Variants in ARL15 observed in about 807,000 individuals in gnomAD.
ARL15 encodes the protein ADP-ribosylation factor-like protein 15.
ARL15 carries 19 observed loss-of-function variants against 25.2 expected under a neutral mutation model. The observed-to-expected ratio is 0.75, with a 90% CI of 0.53 to 1.10. The LOEUF (loss-of-function observed/expected upper bound fraction) is 1.10. ARL15 is among the 50% of genes least tolerant of loss of function. The pLI is 0.00. For synonymous variants in ARL15, 94 were observed against 86.8 expected (o/e 1.08, Z -0.46); for missense variants, 220 against 246.0 (o/e 0.89, Z 0.71).
chr5:54,268,832 C>T (rs997506782), intron 1 of ARL15, among the ~76,000 whole-genome samples: 41 of 152,048 alleles, frequency 2.7e-4, no homozygotes, highest in Non-Finnish European at 4.6e-4. Flanking sequence ...AAATGTCCAA[C>T]GATGATATAT....
chr5:54,026,858 G>T (rs1191952842), intron 4 of ARL15, among the ~76,000 whole-genome samples: 2 of 152,138 alleles, frequency 1.3e-5, no homozygotes, highest in East Asian at 3.9e-4. Flanking sequence ...TGAGAAACAT[G>T]TAAACTGAGT....
chr5:54,106,436 C>T (rs936598772), intron 4 of ARL15, among the ~76,000 whole-genome samples: 3 of 152,076 alleles, frequency 2.0e-5, no homozygotes, highest in Non-Finnish European at 4.4e-5. Context: ...ATACAGTTAT[C>T]CCTTGGTATC....
intron 1 of ARL15, among the ~76,000 whole-genome samples, chr5:54,218,671 A>G (rs1756286029): frequency 6.6e-6 from 1 of 152,114 alleles, no homozygotes; most frequent in African/African-American, 2.4e-5. Flanking sequence ...ATTTGACAGA[A>G]CTCAGTAAAA....
At chr5:54,068,231 G>A (rs1253269743) in intron 4 of ARL15, among the ~76,000 whole-genome samples, 1 of 152,176 alleles carries the variant, frequency 6.6e-6, no homozygotes, top group Non-Finnish European at 1.5e-5. Flanking sequence ...AGTGTGGAAT[G>A]AGAAGACTGT....
At chr5:53,999,062 T>G (rs1748772698) in intron 4 of ARL15, among the ~76,000 whole-genome samples, 1 of 152,162 alleles carries the variant, frequency 6.6e-6, no homozygotes, top group African/African-American at 2.4e-5. Context: ...AACACTGAGA[T>G]GCTGTCAAGA....
chr5:53,998,180 AC>A (rs1748741806), intron 4 of ARL15, among the ~76,000 whole-genome samples: 1 of 151,356 alleles, frequency 6.6e-6, no homozygotes, highest in Non-Finnish European at 1.5e-5. Flanking sequence ...GGTTCTATGA[AC>A]CAGATTTTTG....
chr5:54,045,311 G>A (rs1235975973), intron 4 of ARL15, among the ~76,000 whole-genome samples: 1 of 152,164 alleles, frequency 6.6e-6, no homozygotes, highest in Non-Finnish European at 1.5e-5. Context: ...ACTAAATCAT[G>A]CTGATTGCTT....
intron 1 of ARL15, among the ~76,000 whole-genome samples, chr5:54,250,345 G>A (rs1280939699): frequency 3.9e-5 from 6 of 152,100 alleles, no homozygotes; most frequent in South Asian, 2.1e-4. Flanking sequence ...GACTTGGGGG[G>A]ACAAACACCC....
intron 1 of ARL15, among the ~76,000 whole-genome samples, chr5:54,172,644 A>G (rs1754753207): frequency 6.6e-6 from 1 of 152,194 alleles, no homozygotes; most frequent in Admixed American, 6.5e-5. Context: ...ACTGGCTCAG[A>G]AAAATCTAAA....
chr5:54,085,815 G>A (rs1207567885), intron 4 of ARL15, among the ~76,000 whole-genome samples: 1 of 152,076 alleles, frequency 6.6e-6, no homozygotes, highest in African/African-American at 2.4e-5. Flanking sequence ...TGGTAACCAC[G>A]GCTTAGAAGA....
At chr5:54,097,958 A>G (rs1025457289) in intron 4 of ARL15, among the ~76,000 whole-genome samples, 40 of 152,294 alleles carry the variant, frequency 2.6e-4, no homozygotes, top group African/African-American at 9.4e-4. Flanking sequence ...TCCAAATGGA[A>G]AGCATGGGCA....
At chr5:54,083,911 T>C (rs1345874740) in intron 4 of ARL15, among the ~76,000 whole-genome samples, 1 of 152,126 alleles carries the variant, frequency 6.6e-6, no homozygotes, top group African/African-American at 2.4e-5. Flanking sequence ...ATGCTAAAAT[T>C]AAATGGAGTA....
intron 1 of ARL15, among the ~76,000 whole-genome samples, chr5:54,274,823 G>A (rs889324511): frequency 6.6e-6 from 1 of 152,096 alleles, no homozygotes; most frequent in Non-Finnish European, 1.5e-5. Context: ...GAACCCGGGA[G>A]GCAGGGGTTG....
chr5:54,238,923 C>G (rs1579940865), intron 1 of ARL15, among the ~76,000 whole-genome samples: 1 of 152,232 alleles, frequency 6.6e-6, no homozygotes, highest in Non-Finnish European at 1.5e-5. Context: ...TAATCTAATC[C>G]ATAGCAATCA....
At chr5:53,941,414 A>G (rs1188175433) in intron 4 of ARL15, among the ~76,000 whole-genome samples, 1 of 152,264 alleles carries the variant, frequency 6.6e-6, no homozygotes, top group Non-Finnish European at 1.5e-5. Flanking sequence ...GTAAGTTCAT[A>G]CAGAAAAACT....
At chr5:54,000,107 C>A (rs143313208) in intron 4 of ARL15, among the ~76,000 whole-genome samples, 24 of 152,168 alleles carry the variant, frequency 1.6e-4, no homozygotes, top group Non-Finnish European at 2.5e-4. Flanking sequence ...AGCTACACTG[C>A]AGACTGATGT....
intron 4 of ARL15, among the ~76,000 whole-genome samples, chr5:53,894,936 T>A (rs1355497602): frequency 6.6e-6 from 1 of 152,242 alleles, no homozygotes; most frequent in African/African-American, 2.4e-5. Context: ...CCAGGCACCA[T>A]AAATTCCCTG....
chr5:54,128,453 A>C (rs993696959), intron 3 of ARL15, among the ~76,000 whole-genome samples: 29 of 152,318 alleles, frequency 1.9e-4, no homozygotes, highest in African/African-American at 7.0e-4. Context: ...GCTGAATTTA[A>C]AATAGCCATC....
At chr5:54,219,514 C>T (rs898918542) in intron 1 of ARL15, among the ~76,000 whole-genome samples, 3 of 152,082 alleles carry the variant, frequency 2.0e-5, no homozygotes, top group Non-Finnish European at 4.4e-5. Context: ...AAGACAATCA[C>T]TGCAAAGAAA....
Sources: allele counts gnomAD v4.1 joint callset (sites outside exome capture counted in the v4.1 genomes callset), GRCh38; gene constraint gnomAD v4.1.1; transcripts MANE v1.5; gene names NCBI Gene and HGNC (gene_info 2026-07-23, HGNC 2026-07-21).